The following SENP7 variants were observed in gnomAD, a reference collection of about 807,000 sequenced individuals.
The protein encoded by SENP7 is sentrin-specific protease 7.
Under a neutral mutation model 141.2 loss-of-function variants are expected in SENP7, and 64 were observed. That is an observed-to-expected ratio of 0.45 (90% confidence interval 0.37 to 0.56). SENP7 has a LOEUF of 0.56. Among genes scored for constraint, SENP7 ranks in the 20% least tolerant of loss-of-function variants. The pLI is 0.00. For missense variants in SENP7, 1,025 were observed against 1,212.2 expected, an observed-to-expected ratio of 0.85 and a Z score of 2.29; for synonymous variants, 382 against 426.4, an observed-to-expected ratio of 0.90 and a Z score of 1.28.
chr3:101,438,295 C>A (rs546472791), intron 4 of SENP7, among the ~76,000 whole-genome samples: 3 of 152,254 alleles, frequency 2.0e-5, no homozygotes, highest in Admixed American at 1.3e-4. Context: ...CATGAATGAA[C>A]CTTGAGGACA....
intron 6 of SENP7, among the ~76,000 whole-genome samples, chr3:101,397,378 G>A (rs574166315): frequency 5.7e-4 from 85 of 150,002 alleles, no homozygotes; most frequent in African/African-American, 1.7e-3. Flanking sequence ...AGTGATCCTC[G>A]TGCCTCAGCC....
At chr3:101,365,039 T>TA (rs1171954309) in intron 9 of SENP7, 48 bp from the exon 10 acceptor site, 9 of 1,248,596 alleles carry the variant, frequency 7.2e-6, no homozygotes, top group Non-Finnish European at 9.4e-6. Context: ...TTTATTTATT[T>TA]ATTTATTTTT....
intron 1 of SENP7, among the ~76,000 whole-genome samples, chr3:101,506,871 A>G (rs1427755387): frequency 6.6e-6 from 1 of 152,184 alleles, no homozygotes; most frequent in African/African-American, 2.4e-5. Flanking sequence ...CAGGTAACAC[A>G]GTGAGACACC....
At chr3:101,420,912 A>G (rs2061773422) in intron 4 of SENP7, among the ~76,000 whole-genome samples, 1 of 152,198 alleles carries the variant, frequency 6.6e-6, no homozygotes, top group South Asian at 2.1e-4. Flanking sequence ...CTAATGGGGT[A>G]TAATAACCAA....
intron 4 of SENP7, among the ~76,000 whole-genome samples, chr3:101,453,663 C>T (rs953193842): frequency 2.7e-5 from 4 of 150,716 alleles, no homozygotes; most frequent in African/African-American, 9.8e-5. Context: ...GGGAATTGAA[C>T]AATGAGAACA....
intron 2 of SENP7, among the ~76,000 whole-genome samples, chr3:101,500,567 T>C (rs1436524777): frequency 6.6e-6 from 1 of 152,158 alleles, no homozygotes; most frequent in African/African-American, 2.4e-5. Flanking sequence ...AAAGATTATC[T>C]TTCTTAAAAG....
intron 4 of SENP7, among the ~76,000 whole-genome samples, chr3:101,442,857 GAATT>G (rs2062734122): frequency 6.7e-6 from 1 of 149,960 alleles, no homozygotes; most frequent in Non-Finnish European, 1.5e-5. Context: ...AAAAAAAAAA[GAATT>G]AATAAAGCCA....
intron 3 of SENP7, among the ~76,000 whole-genome samples, chr3:101,459,661 T>C (rs1170508000): frequency 1.3e-5 from 2 of 152,222 alleles, no homozygotes; most frequent in African/African-American, 4.8e-5. Flanking sequence ...ACATCTGTAT[T>C]AAGTTTTGGT....
At chr3:101,453,228 G>C (rs2063215979) in intron 4 of SENP7, among the ~76,000 whole-genome samples, 2 of 152,234 alleles carry the variant, frequency 1.3e-5, no homozygotes, top group Admixed American at 6.5e-5. Flanking sequence ...AGGTGCTGGA[G>C]AGAATGTGGA....
At chr3:101,481,752 T>C (rs1029518193) in intron 3 of SENP7, among the ~76,000 whole-genome samples, 3 of 152,234 alleles carry the variant, frequency 2.0e-5, no homozygotes, top group African/African-American at 7.2e-5. Flanking sequence ...ATATCACATG[T>C]ATGCCATAAA....
At chr3:101,366,839 TA>T (rs58636547) in intron 8 of SENP7, 70 bp from the exon 9 acceptor site, 4 of 880,170 alleles carry the variant, frequency 4.5e-6, no homozygotes, top group Non-Finnish European at 6.8e-6. Flanking sequence ...TTTAAATTCC[TA>T]AAAAAAAGTA....
intron 1 of SENP7, 67 bp downstream of exon 1, chr3:101,513,024 C>T (rs1447784452): frequency 1.3e-6 from 2 of 1,482,062 alleles, no homozygotes; most frequent in Admixed American, 1.7e-5. Context: ...CCCCAGCTGC[C>T]GCCTGCGCCT....
rs1302071428 is a variant in SENP7, at chr3:101,325,748, AC to A, written c.*194del. 4 of 376,864 alleles carry A rather than the reference AC, an allele frequency of 1.1e-5. No individual in the cohort carries two copies. Among genetic ancestry groups the A allele is most frequent in the Non-Finnish European group, 9.3e-6 (2 of 214,182 alleles). The allele number at this position is 376,864 out of a possible 1,614,324, so 23.3% of individuals were successfully genotyped here. A position where few individuals can be genotyped will look rare whatever the true frequency, so the allele number is the denominator to read the frequency against. On this transcript the variant is annotated 3_prime_UTR_variant, in exon 24 of 24. Coordinates refer to ENST00000394095, the MANE Select transcript of SENP7 (RefSeq NM_020654.5). The stretch of plus-strand genomic sequence containing the variant: ...TATATCTAGTAAGTTTATCTATATC[AC>A]CCCCATTCCCATTCCATCTATGAGA...
chr3:101,369,322 C>T (rs912609771), intron 7 of SENP7, among the ~76,000 whole-genome samples: 6 of 152,180 alleles, frequency 3.9e-5, no homozygotes, highest in Non-Finnish European at 8.8e-5. Flanking sequence ...TTTCCATTCA[C>T]GGAACGTTCT....
intron 4 of SENP7, among the ~76,000 whole-genome samples, chr3:101,428,513 T>C (rs1167747593): frequency 6.6e-6 from 1 of 152,256 alleles, no homozygotes; most frequent in African/African-American, 2.4e-5. Context: ...GAAGTGTCTG[T>C]TCATACCCTT....
intron 3 of SENP7, among the ~76,000 whole-genome samples, chr3:101,472,095 G>A (rs55889649): frequency 0.4 from 60,435 of 152,102 alleles, 12,528 homozygotes; most frequent in Admixed American, 0.54. Context: ...ACAGTGTGGC[G>A]AATCCTCAAG....
intron 4 of SENP7, among the ~76,000 whole-genome samples, chr3:101,452,740 T>TA (rs2063191354): frequency 6.6e-6 from 1 of 152,176 alleles, no homozygotes; most frequent in Admixed American, 6.5e-5. Context: ...ACTTACATGT[T>TA]AGACCTAAAA....
intron 3 of SENP7, among the ~76,000 whole-genome samples, chr3:101,467,852 T>A (rs1432215235): frequency 3.3e-5 from 5 of 152,198 alleles, no homozygotes; most frequent in Non-Finnish European, 4.4e-5. Context: ...GGATGGAGAA[T>A]GACTTTAACG....
chr3:101,513,122 C>G lies in SENP7; in HGVS notation c.9G>C (p.Lys3Asn). Residue 3 changes from lysine (K) to asparagine (N), a missense_variant, in exon 1 of 24, where the codon AAG becomes AAC. By Grantham distance (94) the Lys-to-Asn change is moderately conservative. Coordinates refer to ENST00000394095, the MANE Select transcript of SENP7 (RefSeq NM_020654.5). ...AAGATGGCCGTCGCCCGAGCTTTCT[C>G]TTGTCCATCTTCTCCCGCTGCTGAA... MDKRKLGRRPSSS... is the reference protein window; with the variant it reads MDNRKLGRRPSSS... 1 of 1,545,832 alleles carries G rather than the reference C, an allele frequency of 6.5e-7. No homozygotes were observed. The highest frequency in any genetic ancestry group is 2.6e-5 in the East Asian group (1 of 38,394).
Sources: gnomAD v4.1 joint callset for allele counts (sites outside exome capture counted in the v4.1 genomes callset) on GRCh38, gnomAD v4.1.1 for gene constraint, MANE v1.5 for transcripts, NCBI Gene and HGNC (gene_info 2026-07-23, HGNC 2026-07-21) for gene names.